TBC1D22A: variants seen among roughly 807,000 people sequenced by gnomAD.
TBC1D22A encodes putative GTPase activator.
In TBC1D22A, 38 loss-of-function variants were observed where a neutral mutation model predicts 60.2. That is an observed-to-expected ratio of 0.63 (90% confidence interval 0.49 to 0.83). The LOEUF (loss-of-function observed/expected upper bound fraction) is 0.83. Ranked by LOEUF, TBC1D22A falls within the 40% of genes least tolerant of loss-of-function variation. The pLI is 0.00. For missense variants in TBC1D22A, 628 were observed against 701.0 expected (o/e 0.90, Z 1.18); for synonymous variants, 302 against 281.7 (o/e 1.07, Z -0.72).
chr22:46,954,931 T>C (rs754083723), intron 8 of TBC1D22A, among the ~76,000 whole-genome samples: 7 of 152,218 alleles, frequency 4.6e-5, no homozygotes, highest in African/African-American at 9.6e-5. Context: ...GTTATCCTTG[T>C]GATATTTTAT....
At chr22:46,878,017 AT>A (rs1401164816) in intron 4 of TBC1D22A, among the ~76,000 whole-genome samples, 1 of 151,870 alleles carries the variant, frequency 6.6e-6, no homozygotes, top group African/African-American at 2.4e-5. Flanking sequence ...CCTACTCGTG[AT>A]TTTTTTCTAC....
At chr22:47,067,427 G>C (rs1178983169) in intron 11 of TBC1D22A, among the ~76,000 whole-genome samples, 1 of 152,222 alleles carries the variant, frequency 6.6e-6, no homozygotes, top group East Asian at 1.9e-4. Context: ...GACTGCTCAG[G>C]AGAAAAGCCA....
chr22:47,104,515 C>T (rs369575701), intron 11 of TBC1D22A, among the ~76,000 whole-genome samples: 2 of 151,748 alleles, frequency 1.3e-5, no homozygotes, highest in East Asian at 1.9e-4. Context: ...ACCAACATGG[C>T]GAAACCCCAT....
At chr22:47,039,412 C>G (rs934866910) in intron 11 of TBC1D22A, among the ~76,000 whole-genome samples, 3 of 152,126 alleles carry the variant, frequency 2.0e-5, no homozygotes, top group African/African-American at 7.2e-5. Context: ...TTACTCTCCC[C>G]TAAACTGGGG....
intron 12 of TBC1D22A, among the ~76,000 whole-genome samples, chr22:47,166,972 C>T (rs1044081038): frequency 4.6e-5 from 7 of 152,154 alleles, no homozygotes; most frequent in South Asian, 2.1e-4. Flanking sequence ...GCTGCCCAGC[C>T]GGACAAGGAG....
At chr22:46,991,475 G>A (rs553479800) in intron 9 of TBC1D22A, among the ~76,000 whole-genome samples, 204 of 152,296 alleles carry the variant, frequency 1.3e-3, no homozygotes, top group Admixed American at 3.2e-3. Context: ...TGAGCTAATA[G>A]GAACAAATGG....
chr22:47,003,361 T>G (rs2061456522), intron 10 of TBC1D22A, among the ~76,000 whole-genome samples: 2 of 151,858 alleles, frequency 1.3e-5, no homozygotes, highest in Non-Finnish European at 2.9e-5. Context: ...ATGTAATGTG[T>G]TATTTGAAAT....
chr22:47,151,133 C>G (rs1277053700), intron 12 of TBC1D22A, among the ~76,000 whole-genome samples: 1 of 152,194 alleles, frequency 6.6e-6, no homozygotes, highest in Non-Finnish European at 1.5e-5. Context: ...GGACCTAGAC[C>G]TGCTGGGTTC....
intron 7 of TBC1D22A, among the ~76,000 whole-genome samples, chr22:46,904,774 AT>A (rs777988768): frequency 2.9e-3 from 398 of 136,218 alleles, no homozygotes; most frequent in Middle Eastern, 4.3e-3. Context: ...GGCCGAGAAA[AT>A]TTTTTTTTTT....
rs148221971 is a variant in TBC1D22A at position 46,997,727 on chromosome 22, G to A, written c.1201+18G>A. ...GATTGATGGTAAGCCAGCTTCCCGC[G>A]CAGCCCCTCTCTGTGGGCGGGGGGA... On this transcript the variant is annotated intron_variant, in intron 10 of 12. Transcript: ENST00000337137. 2.5e-6 allele frequency: 4 copies of A among 1,612,644 alleles called. No individual in the cohort carries two copies. Among genetic ancestry groups the A allele is most frequent in the East Asian group, 2.2e-5 (1 of 44,874 alleles).
chr22:46,792,758 T>A, intron 2 of TBC1D22A, 182 bp downstream of exon 2: 1 of 1,479,176 alleles, frequency 6.8e-7, no homozygotes, highest in Non-Finnish European at 9.0e-7. Context: ...GTGCTGCGCA[T>A]CCCGGTGAAG....
rs116203486 is a variant in TBC1D22A at position 47,000,555 on chromosome 22, C to T, written c.1201+2846C>T. Among the ~76,000 whole-genome samples, 633 of 152,244 alleles carry T rather than the reference C, an allele frequency of 4.2e-3. 9 individuals are homozygous for T. The highest frequency in any genetic ancestry group is 0.014 in the African/African-American group (597 of 41,552). On this transcript the variant is annotated intron_variant, in intron 10 of 12. Transcript: ENST00000337137. ...GAAGCCGCGTGGAAAGGAGGATGGG[C>T]GGCAGCCTTCGAGGGTGTGTGCTGG...
intron 11 of TBC1D22A, among the ~76,000 whole-genome samples, chr22:47,048,218 A>G (rs131912): frequency 0.69 from 104,740 of 151,998 alleles, 36,639 homozygotes; most frequent in East Asian, 0.92. Flanking sequence ...CTTATGTGTG[A>G]GGTGTGGTTT....
At chr22:47,039,855 A>G (rs1038825949) in intron 11 of TBC1D22A, among the ~76,000 whole-genome samples, 15 of 151,506 alleles carry the variant, frequency 9.9e-5, no homozygotes, top group African/African-American at 2.9e-4. Context: ...GAAACTTGCA[A>G]TCATGGCAGA....
intron 4 of TBC1D22A, among the ~76,000 whole-genome samples, chr22:46,850,522 A>T (rs1229355962): frequency 6.6e-6 from 1 of 152,224 alleles, no homozygotes; most frequent in South Asian, 2.1e-4. Flanking sequence ...AAAGACAGGG[A>T]TTAACAAATG....
chr22:47,119,491 C>T (rs1007452246), intron 12 of TBC1D22A, among the ~76,000 whole-genome samples: 2 of 150,716 alleles, frequency 1.3e-5, no homozygotes, highest in Non-Finnish European at 2.9e-5. Flanking sequence ...CTACCTTAGA[C>T]TGGGTAATTT....
chr22:46,951,023 C>T (rs532783312), intron 8 of TBC1D22A, among the ~76,000 whole-genome samples: 3 of 152,164 alleles, frequency 2.0e-5, no homozygotes, highest in South Asian at 2.1e-4. Flanking sequence ...TATGCATAGG[C>T]GCATGTTTGT....
chr22:46,941,966 CAG>C (rs1412136150), intron 8 of TBC1D22A, among the ~76,000 whole-genome samples: 5 of 136,012 alleles, frequency 3.7e-5, no homozygotes, highest in Non-Finnish European at 3.2e-5. Context: ...CACACACACA[CAG>C]TCCACCCTTG....
At chr22:46,826,123 C>T (rs536130316) in intron 4 of TBC1D22A, among the ~76,000 whole-genome samples, 19 of 152,118 alleles carry the variant, frequency 1.2e-4, no homozygotes, top group African/African-American at 2.6e-4. Context: ...CCTCGTGATC[C>T]GCCCACCTTG....
Sources: allele counts gnomAD v4.1 joint callset (sites outside exome capture counted in the v4.1 genomes callset), GRCh38; gene constraint gnomAD v4.1.1; transcripts MANE v1.5; gene names NCBI Gene and HGNC (gene_info 2026-07-23, HGNC 2026-07-21).